KAZN: variants seen among roughly 807,000 people sequenced by gnomAD.
KAZN encodes the protein kazrin.
KAZN carries 40 observed loss-of-function variants against 87.4 expected under a neutral mutation model. The ratio of observed to expected loss-of-function variants is 0.46; its 90% CI spans 0.36 to 0.60. The LOEUF is 0.60. Among genes scored for constraint, KAZN ranks in the 20% least tolerant of loss-of-function variants. The pLI, the probability that KAZN is intolerant of heterozygous loss-of-function variation, is 0.00. For missense variants in KAZN, 898 were observed against 1,073.9 expected, an observed-to-expected ratio of 0.84 and a Z score of 2.29; for synonymous variants, 466 against 458.3, an observed-to-expected ratio of 1.02 and a Z score of -0.22.
At chr1:14,385,051 G>C (rs1182002629) in intron 2 of KAZN, among the ~76,000 whole-genome samples, 1 of 151,490 alleles carries the variant, frequency 6.6e-6, no homozygotes, top group Non-Finnish European at 1.5e-5. Context: ...TTGGGAGAGT[G>C]TATGTGTCGA....
chr1:14,622,466 G>A (rs915509539), intron 1 of KAZN, among the ~76,000 whole-genome samples: 20 of 151,904 alleles, frequency 1.3e-4, no homozygotes, highest in African/African-American at 3.6e-4. Flanking sequence ...CGAGGCGGGC[G>A]GATCACGAGG....
At chr1:14,871,913 A>G (rs1652184917) in intron 1 of KAZN, among the ~76,000 whole-genome samples, 1 of 152,112 alleles carries the variant, frequency 6.6e-6, no homozygotes. Flanking sequence ...GGGGTGGGCC[A>G]GGAGGAAATC....
chr1:14,346,200 T>G (rs117216299), intron 2 of KAZN, among the ~76,000 whole-genome samples: 1 of 152,142 alleles, frequency 6.6e-6, no homozygotes, highest in Non-Finnish European at 1.5e-5. Context: ...CTTGTTACTG[T>G]ACATGAAAAT....
chr1:14,833,575 C>CTT (rs1557536953), intron 1 of KAZN, among the ~76,000 whole-genome samples: 287 of 152,302 alleles, frequency 1.9e-3, no homozygotes, highest in African/African-American at 6.0e-3. Context: ...TCCTCTACCC[C>CTT]CCCCAGGCCC....
intron 2 of KAZN, among the ~76,000 whole-genome samples, chr1:14,499,426 AG>A (rs1387050992): frequency 3.9e-5 from 6 of 152,238 alleles, no homozygotes; most frequent in Non-Finnish European, 7.4e-5. Context: ...ATTCCTCCTA[AG>A]CTAGAAGATA....
In KAZN at chr1:14,359,488, C is replaced by G. The variant is rs139441486; in HGVS notation, c.249+178896C>G. Among the ~76,000 whole-genome samples the G allele has an allele frequency of 5.9e-3, 898 of 152,270 alleles. 8 individuals carry two copies. The highest frequency in any genetic ancestry group is 0.02 in the African/African-American group (838 of 41,542). ...TTTGATTCTGTCATTATGACACTAG[C>G]TGGTTATTTTGCCCATTAGTTGATG... On this transcript the variant is annotated intron_variant, in intron 2 of 16. Coordinates refer to the KAZN transcript ENST00000636203.
At chr1:14,038,610 A>G (rs1641664831) in intron 1 of KAZN, among the ~76,000 whole-genome samples, 1 of 152,134 alleles carries the variant, frequency 6.6e-6, no homozygotes, top group Non-Finnish European at 1.5e-5. Flanking sequence ...CGACAACCAT[A>G]GACACCAGTG....
chr1:14,150,657 T>A (rs1645452731), intron 1 of KAZN, among the ~76,000 whole-genome samples: 1 of 152,184 alleles, frequency 6.6e-6, no homozygotes, highest in Non-Finnish European at 1.5e-5. Context: ...CATGAACCCA[T>A]TGTTGTAATC....
chr1:15,049,817 G>A (rs1016358461), intron 4 of KAZN, among the ~76,000 whole-genome samples: 1 of 152,114 alleles, frequency 6.6e-6, no homozygotes, highest in East Asian at 1.9e-4. Context: ...CTGAGGTCAG[G>A]AGTTCAAGAC....
At chr1:14,135,903 T>A (rs1233792601) in intron 1 of KAZN, among the ~76,000 whole-genome samples, 1 of 152,180 alleles carries the variant, frequency 6.6e-6, no homozygotes, top group African/African-American at 2.4e-5. Context: ...GTAGGAAATA[T>A]GTTAAAGTCA....
intron 2 of KAZN, among the ~76,000 whole-genome samples, chr1:14,586,318 C>T (rs2148571834): frequency 6.6e-6 from 1 of 152,292 alleles, no homozygotes; most frequent in African/African-American, 2.4e-5. Context: ...AATCAAACGC[C>T]ACAGTTTAAT....
At chr1:13,988,440 T>C (rs1432095219) in intron 1 of KAZN, among the ~76,000 whole-genome samples, 2 of 152,188 alleles carry the variant, frequency 1.3e-5, no homozygotes, top group South Asian at 4.1e-4. Flanking sequence ...CCAAGAGACC[T>C]AGTAGGGTTC....
At chr1:13,957,215 C>G (rs1641581999) in intron 1 of KAZN, among the ~76,000 whole-genome samples, 1 of 152,076 alleles carries the variant, frequency 6.6e-6, no homozygotes, top group African/African-American at 2.4e-5. Flanking sequence ...AGGTGGCCTC[C>G]CCAGACTTCT....
At chr1:14,787,286 G>A (rs1645536682) in intron 1 of KAZN, among the ~76,000 whole-genome samples, 1 of 152,220 alleles carries the variant, frequency 6.6e-6, no homozygotes, top group African/African-American at 2.4e-5. Flanking sequence ...ACGACACTAA[G>A]AAGTAGGCGT....
rs151160036 is a variant in KAZN, at chr1:14,491,692, G to T, written c.250-107291G>T. Among the ~76,000 whole-genome samples, 662 of 151,986 alleles carry T rather than the reference G, an allele frequency of 4.4e-3. 4 individuals carry two copies. Among genetic ancestry groups the T allele is most frequent in the African/African-American group, 0.015 (625 of 41,442 alleles). On this transcript the variant is annotated intron_variant, in intron 2 of 16. Coordinates refer to the KAZN transcript ENST00000636203. ...TTTCTTTCCTTTTTAATAAGGAGTG[G>T]GTGTTGCATGTTATCTAATACATTG... is the stretch of plus-strand genomic sequence containing the variant.
At chr1:14,912,005 A>C (rs534940906) in intron 1 of KAZN, among the ~76,000 whole-genome samples, 7 of 152,164 alleles carry the variant, frequency 4.6e-5, no homozygotes, top group African/African-American at 1.7e-4. Context: ...TACAAAAAAT[A>C]GCTGGGTGTG....
Position 13,939,076 on chromosome 1 carries a change from T to G in KAZN, c.91+45320T>G, listed in dbSNP as rs185556247. On this transcript the variant is annotated intron_variant, in intron 1 of 16. Coordinates refer to the KAZN transcript ENST00000636203. Reference sequence around the variant, plus strand: ...CCAGGTCTCTCTCCATTGTCTTGGCTATCAGCACCTAGCTCTTTTTTAGTC... The same window carrying G: ...CCAGGTCTCTCTCCATTGTCTTGGCGATCAGCACCTAGCTCTTTTTTAGTC... Among the ~76,000 whole-genome samples the G allele has an allele frequency of 3.3e-5, 5 of 152,378 alleles. No individual in the cohort carries two copies. The East Asian group carries it at 9.6e-4, about 29-fold the overall frequency.
At chr1:14,749,358 C>A (rs1473716424) in intron 1 of KAZN, among the ~76,000 whole-genome samples, 1 of 152,184 alleles carries the variant, frequency 6.6e-6, no homozygotes, top group Non-Finnish European at 1.5e-5. Context: ...GCTAAGATTT[C>A]TTTTTAAAAT....
At chr1:14,975,958 G>C (rs1177030089) in intron 2 of KAZN, among the ~76,000 whole-genome samples, 12 of 151,526 alleles carry the variant, frequency 7.9e-5, no homozygotes, top group Admixed American at 1.3e-4. Flanking sequence ...CGCGAACCCG[G>C]GAGGCGGAGC....
Sources: gnomAD v4.1 joint callset for allele counts (sites outside exome capture counted in the v4.1 genomes callset) on GRCh38, gnomAD v4.1.1 for gene constraint, MANE v1.5 for transcripts, NCBI Gene and HGNC (gene_info 2026-07-23, HGNC 2026-07-21) for gene names.